The following CCSAP variants were observed in gnomAD, a reference collection of about 807,000 sequenced individuals.
CCSAP encodes centriole, cilia and spindle associated protein, also known as centriole, cilia and spindle-associated protein.
In CCSAP, 17 loss-of-function variants were observed where a neutral mutation model predicts 25.9. The observed-to-expected ratio is 0.66, with a 90% CI of 0.45 to 0.99. The LOEUF is 0.99. Among genes scored for constraint, CCSAP ranks in the 50% least tolerant of loss-of-function variants. The probability of loss-of-function intolerance (pLI) is 0.00; values close to 1 mark genes in which losing one functional copy is unlikely to be tolerated. For missense variants in CCSAP, 339 were observed against 367.8 expected (o/e 0.92, Z 0.64); for synonymous variants, 169 against 157.1 (o/e 1.08, Z -0.57).
At chr1:229,338,792 A>G (rs1380751502) in intron 2 of CCSAP, among the ~76,000 whole-genome samples, 2 of 152,176 alleles carry the variant, frequency 1.3e-5, no homozygotes, top group Admixed American at 6.5e-5. Context: ...AAAACCCTAC[A>G]TGCATCAATC....
chr1:229,325,185 C>A lies in CCSAP; in HGVS notation c.*50G>T. ...TTTGATGGTTTTTGTTTTGTTTTTC[C>A]TTTCAGTCATTTACACTTTTTAAAA... On this transcript the variant is annotated 3_prime_UTR_variant, in exon 4 of 4. Transcript: ENST00000284617. 5 of 1,482,722 alleles carry A rather than the reference C, an allele frequency of 3.4e-6. No homozygotes were observed. The highest frequency in any genetic ancestry group is 2.8e-5 in the South Asian group (2 of 71,612). The allele number at this position is 1,482,722 out of a possible 1,614,324, so 91.8% of individuals were successfully genotyped here. A position where few individuals can be genotyped will look rare whatever the true frequency, so the allele number is the denominator to read the frequency against.
At chr1:229,333,370 TTGCAG>T (rs1246735441) in intron 2 of CCSAP, among the ~76,000 whole-genome samples, 1 of 145,728 alleles carries the variant, frequency 6.9e-6, no homozygotes, top group Non-Finnish European at 1.5e-5. Flanking sequence ...GAGGCGGAGC[TTGCAG>T]TGAGCCGAGA....
At chr1:229,328,479 A>AAG (rs113504470) in intron 2 of CCSAP, among the ~76,000 whole-genome samples, 1 of 151,366 alleles carries the variant, frequency 6.6e-6, no homozygotes, top group East Asian at 2.0e-4. Flanking sequence ...TTACAAAAAA[A>AAG]TTTTTTTTGT....
intron 2 of CCSAP, among the ~76,000 whole-genome samples, chr1:229,333,306 G>A (rs1298197207): frequency 2.6e-5 from 4 of 151,924 alleles, no homozygotes; most frequent in Non-Finnish European, 5.9e-5. Flanking sequence ...GGTGTCAGGT[G>A]CCTGTAGTCC....
At position 229,342,533 on chromosome 1, in the gene CCSAP, A is replaced by G. The variant is rs1417734325; in HGVS notation, c.-48-20T>C. 1.4e-5 allele frequency: 15 copies of G among 1,081,252 alleles called. No homozygotes were observed. The East Asian group carries it at 2.9e-4, about 21-fold the overall frequency. 67.0% of individuals were successfully genotyped at this position (1,081,252 alleles called of 1,614,324 possible). A position where few individuals can be genotyped will look rare whatever the true frequency, so the allele number is the denominator to read the frequency against. On this transcript the variant is annotated intron_variant, in intron 1 of 3. Transcript: ENST00000284617. The surrounding 1 kb of genome is among the most constrained non-coding windows in gnomAD (Gnocchi z 7.5). ...CGCAGCCTACGGGACCCGGTACACGACACAGAGGCCGCCCCGCCCCTCCGC... is the reference window on the plus strand; with the variant it reads ...CGCAGCCTACGGGACCCGGTACACGGCACAGAGGCCGCCCCGCCCCTCCGC...
In CCSAP at chr1:229,324,248, C is replaced by T. The variant is rs986097164; in HGVS notation, c.*987G>A. 4 of 152,460 alleles carry T rather than the reference C, an allele frequency of 2.6e-5. No individual in the cohort carries two copies. The highest frequency in any genetic ancestry group is 2.1e-4 in the South Asian group (1 of 4,826). The allele number at this position is 152,460 out of a possible 1,614,324, so 9.4% of individuals were successfully genotyped here. ...AAGTAGGGGTGGGCAGTCTATCTAACAGGCATCTTCACACTGGTCCCCATC... is the reference window on the plus strand; with the variant it reads ...AAGTAGGGGTGGGCAGTCTATCTAATAGGCATCTTCACACTGGTCCCCATC... On this transcript the variant is annotated 3_prime_UTR_variant, in exon 4 of 4. Transcript: ENST00000284617.
rs1390455174 is a variant in CCSAP at position 229,323,227 on chromosome 1, T to C, written c.*2008A>G. On this transcript the variant is annotated 3_prime_UTR_variant, in exon 4 of 4. Transcript: ENST00000284617. ...TTAAAAAGAGGAAAAAATTGGCCAA[T>C]ATTTGCCTTCTACATTATATCTCTG... The C allele has an allele frequency of 6.6e-6, 1 of 152,340 alleles. No individual in the cohort carries two copies. The highest frequency in any genetic ancestry group is 1.9e-4 in the East Asian group (1 of 5,188). 9.4% of individuals were successfully genotyped at this position (152,340 alleles called of 1,614,324 possible).
chr1:229,336,394 A>C (rs1558251939), intron 2 of CCSAP, among the ~76,000 whole-genome samples: 2 of 151,966 alleles, frequency 1.3e-5, no homozygotes, highest in Admixed American at 6.6e-5. Context: ...TGAAAACAGA[A>C]TTAGGTGAAA....
chr1:229,326,684 G>A (rs1356862040), intron 3 of CCSAP, 54 bp downstream of exon 3: 4 of 1,598,820 alleles, frequency 2.5e-6, no homozygotes, highest in Non-Finnish European at 3.4e-6. Context: ...CAGGCGCATG[G>A]CCCAGCTGGC....
At chr1:229,337,481 C>T (rs577287826) in intron 2 of CCSAP, among the ~76,000 whole-genome samples, 4 of 150,794 alleles carry the variant, frequency 2.7e-5, no homozygotes, top group South Asian at 2.1e-4. Context: ...CTAATTCCCA[C>T]GCAATATTTT....
chr1:229,332,814 C>A (rs1304973505), intron 2 of CCSAP, among the ~76,000 whole-genome samples: 1 of 152,110 alleles, frequency 6.6e-6, no homozygotes, highest in Non-Finnish European at 1.5e-5. Context: ...CTAGTGGCTA[C>A]CCTGGCAGAC....
In CCSAP at chr1:229,325,103, A is replaced by G. The variant is rs1657909928; in HGVS notation, c.*132T>C. 1.1e-6 allele frequency: 1 copy of G among 869,780 alleles called. No homozygotes were observed. 53.9% of individuals were successfully genotyped at this position (869,780 alleles called of 1,614,324 possible). On this transcript the variant is annotated 3_prime_UTR_variant, in exon 4 of 4. Transcript: ENST00000284617. The stretch of plus-strand genomic sequence containing the variant: ...ATCAAAATAAAACAATCTTTTACAA[A>G]TTCCCTAAAAAAAACCTTGCATAAT...
At chr1:229,333,192 G>A (rs113842252) in intron 2 of CCSAP, among the ~76,000 whole-genome samples, 1 of 152,054 alleles carries the variant, frequency 6.6e-6, no homozygotes, top group East Asian at 1.9e-4. Flanking sequence ...CAGCACTTTG[G>A]GAGGCCAAGG....
chr1:229,342,438 C>T lies in CCSAP; in HGVS notation c.28G>A (p.Glu10Lys), dbSNP rs1173088122. The T allele has an allele frequency of 1.4e-6, 2 of 1,402,962 alleles. No individual in the cohort carries two copies. Among genetic ancestry groups the T allele is most frequent in the Non-Finnish European group, 9.3e-7 (1 of 1,071,910 alleles). The allele number at this position is 1,402,962 out of a possible 1,614,324, so 86.9% of individuals were successfully genotyped here. A position where few individuals can be genotyped will look rare whatever the true frequency, so the allele number is the denominator to read the frequency against. Residue 10 changes from glutamate to lysine, a missense_variant, in exon 2 of 4, where the codon GAG becomes AAG. By Grantham distance (56) the Glu-to-Lys change is moderately conservative (BLOSUM62 1). Coordinates refer to ENST00000284617, the MANE Select transcript of CCSAP (RefSeq NM_145257.5). The surrounding 1 kb of genome is among the most constrained non-coding windows in gnomAD (Gnocchi z 7.5). MSPGSGVKSEYMKRYQEPRW... is the reference protein window; with the variant it reads MSPGSGVKSKYMKRYQEPRW... Reference sequence around the variant, plus strand: ...GGCTCCTGGTAGCGCTTCATGTACTCGCTCTTCACCCCGCTCCCCGGGGAC... The same window carrying T: ...GGCTCCTGGTAGCGCTTCATGTACTTGCTCTTCACCCCGCTCCCCGGGGAC...
intron 2 of CCSAP, among the ~76,000 whole-genome samples, chr1:229,332,076 C>G (rs1023222431): frequency 6.6e-6 from 1 of 152,128 alleles, no homozygotes; most frequent in Non-Finnish European, 1.5e-5. Context: ...CTCCTGACTT[C>G]AGGTGATCCA....
At chr1:229,340,025 C>A (rs376025781) in intron 2 of CCSAP, among the ~76,000 whole-genome samples, 3 of 152,144 alleles carry the variant, frequency 2.0e-5, no homozygotes, top group African/African-American at 7.2e-5. Context: ...AAAGGAAAAA[C>A]CAGGGTGTTA....
Position 229,322,155 on chromosome 1 carries a change from T to G in CCSAP, c.*3080A>C, listed in dbSNP as rs1657840506. The stretch of plus-strand genomic sequence containing the variant: ...ACCATAACATTCCATTTACAAAGTG[T>G]GTGCCCAGAACAGCATTATCAACCT... On this transcript the variant is annotated 3_prime_UTR_variant, in exon 4 of 4. Transcript: ENST00000284617. 1 of 152,188 alleles carries G rather than the reference T, an allele frequency of 6.6e-6. No individual in the cohort carries two copies. Among genetic ancestry groups the G allele is most frequent in the Non-Finnish European group, 1.5e-5 (1 of 68,040 alleles). The allele number at this position is 152,188 out of a possible 1,614,324, so 9.4% of individuals were successfully genotyped here.
rs1248406326 is a variant in CCSAP, at chr1:229,324,170, T to C, written c.*1065A>G. On this transcript the variant is annotated 3_prime_UTR_variant, in exon 4 of 4. Coordinates refer to ENST00000284617, the MANE Select transcript of CCSAP (RefSeq NM_145257.5). Reference sequence around the variant, plus strand: ...AACGTATTTCAACCTAAAGTTTGAATACTGTACATCATCAAGACTTTGTTA... The same window carrying C: ...AACGTATTTCAACCTAAAGTTTGAACACTGTACATCATCAAGACTTTGTTA... The C allele has an allele frequency of 6.6e-6, 1 of 152,634 alleles. No individual in the cohort carries two copies. Among genetic ancestry groups the C allele is most frequent in the Non-Finnish European group, 1.5e-5 (1 of 68,042 alleles). The allele number at this position is 152,634 out of a possible 1,614,324, so 9.5% of individuals were successfully genotyped here.
At chr1:229,334,334 T>C (rs1484497882) in intron 2 of CCSAP, among the ~76,000 whole-genome samples, 2 of 152,252 alleles carry the variant, frequency 1.3e-5, no homozygotes, top group African/African-American at 2.4e-5. Flanking sequence ...GTGGATACTA[T>C]ACATAAATGT....
Sources: gnomAD v4.1 joint callset for allele counts (sites outside exome capture counted in the v4.1 genomes callset) on GRCh38, gnomAD v4.1.1 for gene constraint, Gnocchi (gnomAD v3.1) non-coding constraint, MANE v1.5 for transcripts, NCBI Gene and HGNC (gene_info 2026-07-23, HGNC 2026-07-21) for gene names.